GOLM2: variants seen among roughly 807,000 people sequenced by gnomAD.
GOLM2 encodes golgi membrane protein 2.
In GOLM2, 26 loss-of-function variants were observed where a neutral mutation model predicts 55.9. The ratio of observed to expected loss-of-function variants is 0.47; its 90% CI spans 0.34 to 0.65. The LOEUF is 0.65. Ranked by LOEUF, GOLM2 falls within the 30% of genes least tolerant of loss-of-function variation. The pLI, the probability that GOLM2 is intolerant of heterozygous loss-of-function variation, is 0.01. For synonymous variants in GOLM2, 165 were observed against 194.6 expected (o/e 0.85, Z 1.27); for missense variants, 486 against 531.8 (o/e 0.91, Z 0.85).
At chr15:44,396,132 A>C (rs1220675548) in intron 8 of GOLM2, among the ~76,000 whole-genome samples, 1 of 152,016 alleles carries the variant, frequency 6.6e-6, no homozygotes, top group Non-Finnish European at 1.5e-5. Flanking sequence ...AGGTGGGCAG[A>C]TCATTTGAAG....
intron 1 of GOLM2, among the ~76,000 whole-genome samples, chr15:44,310,029 A>G (rs1411972507): frequency 6.6e-6 from 1 of 152,040 alleles, no homozygotes; most frequent in Non-Finnish European, 1.5e-5. Flanking sequence ...AACTACAGGC[A>G]AATGCCACCA....
At position 44,371,890 on chromosome 15, in the gene GOLM2, T is replaced by C. The variant is rs143160667; in HGVS notation, c.803-7800T>C. ...CATTCTAAGGATAAATACATTACTT[T>C]GACAACTCTAAATACTCCAGTATGT... On this transcript the variant is annotated intron_variant, in intron 6 of 9. Transcript: ENST00000299957. Among the ~76,000 whole-genome samples, 989 of 152,318 alleles carry C rather than the reference T, an allele frequency of 6.5e-3. 9 individuals are homozygous for C. The highest frequency in any genetic ancestry group is 0.023 in the African/African-American group (957 of 41,574).
At chr15:44,295,271 G>T (rs1226477071) in intron 1 of GOLM2, among the ~76,000 whole-genome samples, 4 of 152,000 alleles carry the variant, frequency 2.6e-5, no homozygotes, top group African/African-American at 9.7e-5. Flanking sequence ...GTAGAGACAG[G>T]GTTTCACCAT....
In GOLM2 at chr15:44,288,916, T is replaced by C. The variant is rs2078699202; in HGVS notation, c.-114T>C. 3 of 969,672 alleles carry C rather than the reference T, an allele frequency of 3.1e-6. No homozygotes were observed. The highest frequency in any genetic ancestry group is 4.5e-6 in the Non-Finnish European group (3 of 667,922). 60.1% of individuals were successfully genotyped at this position (969,672 alleles called of 1,614,324 possible). On this transcript the variant is annotated 5_prime_UTR_variant, in exon 1 of 10. Coordinates refer to ENST00000299957, the MANE Select transcript of GOLM2 (RefSeq NM_138423.4). ...CTCGCAGCCGACCGGTAAGCCCGCC[T>C]CCTCCCTCGGCCGGCCCTGGGGCCG...
rs1458385188 is a variant in GOLM2, at chr15:44,415,304, G to A, written c.*1898G>A. ...AAAGGGAAGTGATGTACATTTCGGG[G>A]GCATTAGGGTAGGGAGATGAATCAA... On this transcript the variant is annotated 3_prime_UTR_variant, in exon 10 of 10. Coordinates refer to ENST00000299957, the MANE Select transcript of GOLM2 (RefSeq NM_138423.4). 2 of 152,550 alleles carry A rather than the reference G, an allele frequency of 1.3e-5. No individual in the cohort carries two copies. Among genetic ancestry groups the A allele is most frequent in the Non-Finnish European group, 1.5e-5 (1 of 68,018 alleles). The allele number at this position is 152,550 out of a possible 1,614,324, so 9.4% of individuals were successfully genotyped here.
chr15:44,333,247 A>G (rs965841670), intron 4 of GOLM2, among the ~76,000 whole-genome samples: 1 of 151,956 alleles, frequency 6.6e-6, no homozygotes, highest in Non-Finnish European at 1.5e-5. Context: ...ATTTTTTTAT[A>G]CCTTGTAATC....
intron 8 of GOLM2, among the ~76,000 whole-genome samples, chr15:44,381,748 G>A (rs1362263434): frequency 2.0e-5 from 3 of 152,148 alleles, no homozygotes; most frequent in South Asian, 2.1e-4. Context: ...CAAAGATTGC[G>A]TGTAAGCTAA....
At position 44,288,787 on chromosome 15, in the gene GOLM2, G is replaced by A. The variant is rs1036907130; in HGVS notation, c.-243G>A. 3.6e-5 allele frequency: 19 copies of A among 531,388 alleles called. No homozygotes were observed. The highest frequency in any genetic ancestry group is 5.9e-5 in the Non-Finnish European group (18 of 302,890). The allele number at this position is 531,388 out of a possible 1,614,324, so 32.9% of individuals were successfully genotyped here. A position where few individuals can be genotyped will look rare whatever the true frequency, so the allele number is the denominator to read the frequency against. On this transcript the variant is annotated 5_prime_UTR_variant, in exon 1 of 10. Coordinates refer to ENST00000299957, the MANE Select transcript of GOLM2 (RefSeq NM_138423.4). ...AGCTGGGTTCTCCCGGTTCCCTTGG[G>A]CAGGTGCAGGGTCGGGTTCAAAGCC...
chr15:44,335,330 C>T (rs1473380298), intron 4 of GOLM2, among the ~76,000 whole-genome samples: 1 of 152,042 alleles, frequency 6.6e-6, no homozygotes, highest in Non-Finnish European at 1.5e-5. Context: ...GCCCACTAAC[C>T]AAATCACAAA....
At chr15:44,364,757 C>A (rs2079272634) in intron 6 of GOLM2, among the ~76,000 whole-genome samples, 1 of 151,714 alleles carries the variant, frequency 6.6e-6, no homozygotes, top group African/African-American at 2.4e-5. Flanking sequence ...CCTAAACAGA[C>A]ACCTCACCAA....
rs140551729 is a variant in GOLM2, at chr15:44,301,532, A to G, written c.327+12176A>G. 3.7e-4 allele frequency among the ~76,000 whole-genome samples: 57 copies of G among 152,286 alleles called. 3 individuals are homozygous for G. The East Asian group carries it at 3.9e-3, about 10-fold the overall frequency. On this transcript the variant is annotated intron_variant, in intron 1 of 9. Coordinates refer to ENST00000299957, the MANE Select transcript of GOLM2 (RefSeq NM_138423.4). The stretch of plus-strand genomic sequence containing the variant: ...AAGACAGATATGGTATACATTGACT[A>G]TGGAACTTACCCTTGAGCAGGGGCT...
intron 6 of GOLM2, among the ~76,000 whole-genome samples, chr15:44,363,811 A>G (rs1045566679): frequency 6.6e-6 from 1 of 151,792 alleles, no homozygotes; most frequent in African/African-American, 2.4e-5. Flanking sequence ...CAACAATGAT[A>G]GACTGGATTA....
chr15:44,362,865 A>G (rs1295578461), intron 6 of GOLM2, among the ~76,000 whole-genome samples: 1 of 152,228 alleles, frequency 6.6e-6, no homozygotes, highest in Admixed American at 6.5e-5. Context: ...ATGGAACAGA[A>G]CAGAGCCCTC....
chr15:44,359,855 C>T (rs1203847508), intron 6 of GOLM2, among the ~76,000 whole-genome samples: 3 of 152,138 alleles, frequency 2.0e-5, no homozygotes, highest in African/African-American at 7.2e-5. Flanking sequence ...GCGGATCTCT[C>T]GGGAGAAACT....
At chr15:44,383,550 T>C (rs994515175) in intron 8 of GOLM2, among the ~76,000 whole-genome samples, 1 of 152,100 alleles carries the variant, frequency 6.6e-6, no homozygotes, top group African/African-American at 2.4e-5. Context: ...CCTATATTTA[T>C]GTGAGTAATT....
At chr15:44,336,971 T>C (rs1047400353) in intron 4 of GOLM2, among the ~76,000 whole-genome samples, 3 of 152,164 alleles carry the variant, frequency 2.0e-5, no homozygotes, top group African/African-American at 7.2e-5. Flanking sequence ...AGATTCCATA[T>C]AGATTTTTCG....
At chr15:44,364,115 G>GC (rs1374953876) in intron 6 of GOLM2, among the ~76,000 whole-genome samples, 5 of 152,100 alleles carry the variant, frequency 3.3e-5, no homozygotes, top group African/African-American at 1.2e-4. Context: ...AGTGGGTGCC[G>GC]CGCACCAGCA....
chr15:44,404,496 G>GAT (rs1252265550), intron 9 of GOLM2, among the ~76,000 whole-genome samples: 1 of 151,896 alleles, frequency 6.6e-6, no homozygotes, highest in Non-Finnish European at 1.5e-5. Context: ...TATTGATATT[G>GAT]ATATAAATAT....
intron 8 of GOLM2, chr15:44,387,282 T>C (rs1276997841): frequency 6.6e-6 from 1 of 152,038 alleles, no homozygotes; most frequent in African/African-American, 2.4e-5. Context: ...TCCATAAATA[T>C]GGGATGTCTT....
Sources: allele counts gnomAD v4.1 joint callset (sites outside exome capture counted in the v4.1 genomes callset), GRCh38; gene constraint gnomAD v4.1.1; transcripts MANE v1.5; gene names NCBI Gene and HGNC (gene_info 2026-07-23, HGNC 2026-07-21).